ERAP1: variants seen among roughly 807,000 people sequenced by gnomAD.
ERAP1 encodes the protein adipocyte-derived leucine aminopeptidase.
A neutral mutation model predicts 103.7 loss-of-function variants in ERAP1; 86 were observed. The ratio of observed to expected loss-of-function variants is 0.83; its 90% CI spans 0.70 to 0.99. The LOEUF (loss-of-function observed/expected upper bound fraction) is 0.99. ERAP1 is among the 50% of genes least tolerant of loss of function. The pLI is 0.00. For synonymous variants in ERAP1, 398 were observed against 402.4 expected (o/e 0.99, Z 0.13); for missense variants, 1,009 against 1,128.4 (o/e 0.89, Z 1.52).
At chr5:96,857,747 C>T in the ERAP1 span, among the ~76,000 whole-genome samples, 1 of 152,166 alleles carries the variant, frequency 6.6e-6, no homozygotes, top group Non-Finnish European at 1.5e-5. Context: ...CCATAGCCAT[C>T]ATAAAGGATC....
the ERAP1 span, among the ~76,000 whole-genome samples, chr5:96,933,211 C>CTTTTTTTTTT: frequency 1.2e-4 from 9 of 72,800 alleles, no homozygotes; most frequent in Admixed American, 1.8e-4. Context: ...AAAACCACGT[C>CTTTTTTTTTT]TTTTTTTTTT....
the ERAP1 span, among the ~76,000 whole-genome samples, chr5:96,927,430 T>G: frequency 6.6e-6 from 1 of 152,354 alleles, no homozygotes; most frequent in Admixed American, 6.5e-5. Context: ...TTTTCATGTC[T>G]CATTGGCCAT....
At chr5:96,906,584 T>A in the ERAP1 span, among the ~76,000 whole-genome samples, 2 of 152,228 alleles carry the variant, frequency 1.3e-5, no homozygotes. Flanking sequence ...GAGAATTTGA[T>A]GCAAGAATTG....
At chr5:96,812,423 T>G (rs1201585886), upstream of ERAP1, among the ~76,000 whole-genome samples, 1 of 152,248 alleles carries the variant, frequency 6.6e-6, no homozygotes, top group Admixed American at 6.5e-5. Flanking sequence ...TTAGGAGGCT[T>G]TATTTTATTT....
chr5:96,868,075 C>CAAA, the ERAP1 span, among the ~76,000 whole-genome samples: 2 of 151,406 alleles, frequency 1.3e-5, no homozygotes, highest in Non-Finnish European at 2.9e-5. Flanking sequence ...ACTCCATCTC[C>CAAA]AAAAAAAAGA....
At chr5:96,801,143 T>C in intron 2 of ERAP1, 143 bp from the exon 3 acceptor site, 3 of 929,558 alleles carry the variant, frequency 3.2e-6, no homozygotes, top group East Asian at 2.6e-5. Flanking sequence ...AAAGCTATCA[T>C]AAACTAAGTT....
chr5:96,770,547 C>T, downstream of ERAP1: 1 of 1,612,678 alleles, frequency 6.2e-7, no homozygotes, highest in South Asian at 1.1e-5. Context: ...TGCAAGAAGG[C>T]TGCTTCCAGC....
At chr5:96,896,459 C>G in the ERAP1 span, 38 of 1,613,454 alleles carry the variant, frequency 2.4e-5, no homozygotes, top group Non-Finnish European at 2.9e-5. Context: ...CAGCGGAAAC[C>G]CCGACTCAAA....
At position 96,775,942 on chromosome 5, in the gene ERAP1, T is replaced by C; in HGVS notation, c.*454A>G. ...AAGGAAGAGGGATGGGCAGCGGGTC[T>C]GGAGGGGTGAGCCGGGAGAGCTTTA... On this transcript the variant is annotated 3_prime_UTR_variant, in exon 19 of 19. Transcript: ENST00000443439. 9.6e-7 allele frequency: 1 copy of C among 1,039,336 alleles called. No individual in the cohort carries two copies. The allele number at this position is 1,039,336 out of a possible 1,614,324, so 64.4% of individuals were successfully genotyped here. A position where few individuals can be genotyped will look rare whatever the true frequency, so the allele number is the denominator to read the frequency against.
At chr5:96,836,078 G>A in the ERAP1 span, among the ~76,000 whole-genome samples, 3 of 151,226 alleles carry the variant, frequency 2.0e-5, no homozygotes, top group Admixed American at 1.3e-4. Flanking sequence ...ATGAGTCAGA[G>A]AGAAATGTGA....
the ERAP1 span, among the ~76,000 whole-genome samples, chr5:96,872,598 C>CA: frequency 1.3e-5 from 2 of 151,552 alleles, no homozygotes; most frequent in Admixed American, 6.6e-5. Flanking sequence ...GACTCTGTCC[C>CA]AAAAAACAAA....
chr5:96,847,552 C>T, the ERAP1 span, among the ~76,000 whole-genome samples: 45 of 152,152 alleles, frequency 3.0e-4, no homozygotes, highest in Admixed American at 2.0e-4. Context: ...TAAAACATTT[C>T]CCAAGATAGG....
At chr5:96,816,553 G>A in the ERAP1 span, among the ~76,000 whole-genome samples, 15 of 152,168 alleles carry the variant, frequency 9.9e-5, no homozygotes, top group Non-Finnish European at 1.3e-4. Flanking sequence ...TCCTTAATTT[G>A]ACCCAGCTCA....
chr5:96,771,273 A>C (rs1403816842), downstream of ERAP1, among the ~76,000 whole-genome samples: 1 of 152,214 alleles, frequency 6.6e-6, no homozygotes, highest in Non-Finnish European at 1.5e-5. Context: ...AATAGAAAGC[A>C]TAATAACCCT....
chr5:96,803,547 C>G lies in ERAP1; in HGVS notation c.380G>C (p.Arg127Pro), dbSNP rs26653. The change falls in exon 2 of 19, where the codon CGT becomes CCT. Residue 127 changes from arginine (R) to proline (P), a missense_variant. Physicochemically the swap from Arg to Pro is moderately radical, Grantham distance 103 (BLOSUM62 -2). Coordinates refer to ENST00000443439, the MANE Select transcript of ERAP1 (RefSeq NM_001040458.3). ...AGCCAGCAGTGCAATTTGCTCCTGA[C>G]GGGGGTGTTCCAGGACCTGCAGGGG... ...EEPLQVLEHP[R>P]QEQIALLAPE... 1,102,794 of 1,613,416 alleles carry G rather than the reference C, an allele frequency of 0.68. 381,926 individuals carry two copies. The highest frequency in any genetic ancestry group is 0.72 in the Non-Finnish European group (850,142 of 1,179,586).
chr5:96,827,306 G>GGGTA, the ERAP1 span, among the ~76,000 whole-genome samples: 1 of 152,096 alleles, frequency 6.6e-6, no homozygotes, highest in African/African-American at 2.4e-5. Flanking sequence ...AGTCAGTTGG[G>GGGTA]GGTAGAAGAC....
At chr5:96,912,860 T>C in the ERAP1 span, 23 of 1,396,444 alleles carry the variant, frequency 1.6e-5, no homozygotes, top group African/African-American at 2.8e-4. Context: ...GTGAAGTCAC[T>C]AAAACTTCAG....
At chr5:96,831,995 G>T in the ERAP1 span, among the ~76,000 whole-genome samples, 1 of 152,160 alleles carries the variant, frequency 6.6e-6, no homozygotes. Context: ...ACTTTTTATT[G>T]TTTCTGAATA....
the ERAP1 span, chr5:96,896,819 T>C: frequency 6.2e-7 from 1 of 1,603,400 alleles, no homozygotes; most frequent in Non-Finnish European, 8.5e-7. Context: ...GAAGTTCAGC[T>C]ATAGAAATGC....
Sources: allele counts gnomAD v4.1 joint callset (sites outside exome capture counted in the v4.1 genomes callset), GRCh38; gene constraint gnomAD v4.1.1; transcripts MANE v1.5; gene names NCBI Gene and HGNC (gene_info 2026-07-23, HGNC 2026-07-21).